SLC3A1: variants seen among roughly 807,000 people sequenced by gnomAD.
SLC3A1 encodes amino acid transporter heavy chain SLC3A1.
SLC3A1 carries 78 observed loss-of-function variants against 60.3 expected under a neutral mutation model. That is an observed-to-expected ratio of 1.29 (90% confidence interval 1.08 to 1.56). SLC3A1 has a LOEUF of 1.56. Ranked by LOEUF, SLC3A1 falls within the 40% of genes most tolerant of loss-of-function variation. The pLI is 0.00. For missense variants in SLC3A1, 1,172 were observed against 858.9 expected (o/e 1.36, Z -4.56); for synonymous variants, 392 against 307.9 (o/e 1.27, Z -2.86).
rs774667759 is a variant in SLC3A1 at position 44,286,082 on chromosome 2, A to G, written c.816A>G (p.Gln272=). ...GGCACTTTGACGAAGTGCGAAACCA[A>G]TGTTATTTTCATCAGTTTATGAAAG... ...SSWHFDEVRN[Q]CYFHQFMKEQ... is the part of the protein sequence containing the mutation. The change falls in exon 4 of 10, where the codon CAA becomes CAG. Residue 272 remains glutamine (Q), a synonymous_variant. Transcript: ENST00000260649. The G allele has an allele frequency of 1.2e-6, 2 of 1,614,050 alleles. No individual in the cohort carries two copies. Among genetic ancestry groups the G allele is most frequent in the African/African-American group, 2.7e-5 (2 of 75,034 alleles).
intron 1 of SLC3A1, among the ~76,000 whole-genome samples, chr2:44,278,730 T>C (rs559819105): frequency 6.6e-6 from 1 of 152,196 alleles, no homozygotes; most frequent in South Asian, 2.1e-4. Flanking sequence ...TACAAAGTTC[T>C]AAATACAAAG....
At chr2:44,302,376 C>G (rs1255135312) in intron 6 of SLC3A1, among the ~76,000 whole-genome samples, 2 of 152,192 alleles carry the variant, frequency 1.3e-5, no homozygotes, top group Non-Finnish European at 2.9e-5. Context: ...AATTACCCAT[C>G]ATTAAGTTTA....
intron 4 of SLC3A1, among the ~76,000 whole-genome samples, chr2:44,287,161 G>A (rs1049542463): frequency 2.6e-5 from 4 of 152,130 alleles, no homozygotes; most frequent in African/African-American, 7.2e-5. Context: ...CCAATATACT[G>A]AGGGGAAAGC....
At chr2:44,298,627 C>T (rs1671917427) in intron 4 of SLC3A1, among the ~76,000 whole-genome samples, 1 of 152,218 alleles carries the variant, frequency 6.6e-6, no homozygotes, top group Non-Finnish European at 1.5e-5. Context: ...ATCCACTTGC[C>T]TCGGCCTCCC....
At chr2:44,299,837 C>T (rs1363568368) in intron 4 of SLC3A1, 134 bp from the exon 5 acceptor site, 1 of 918,600 alleles carries the variant, frequency 1.1e-6, no homozygotes, top group South Asian at 1.4e-5. Context: ...TAAAAATAGA[C>T]TGTGAATACT....
intron 2 of SLC3A1, 93 bp from the exon 3 acceptor site, chr2:44,281,294 G>C (rs1031311830): frequency 9.1e-7 from 1 of 1,102,086 alleles, no homozygotes; most frequent in Non-Finnish European, 1.4e-6. Context: ...AGTGTATTGG[G>C]GTTACAGGCG....
chr2:44,297,199 C>A (rs1264583925), intron 4 of SLC3A1, among the ~76,000 whole-genome samples: 2 of 152,124 alleles, frequency 1.3e-5, no homozygotes, highest in Non-Finnish European at 2.9e-5. Flanking sequence ...TCCTGTGAAA[C>A]CTTCCATACA....
chr2:44,317,832 A>G (rs1290870486), intron 9 of SLC3A1: 2 of 170,570 alleles, frequency 1.2e-5, no homozygotes, highest in Non-Finnish European at 2.5e-5. Context: ...TGTCTAAATA[A>G]TACAATAATT....
At chr2:44,280,313 A>G (rs1671466382) in intron 1 of SLC3A1, among the ~76,000 whole-genome samples, 1 of 151,874 alleles carries the variant, frequency 6.6e-6, no homozygotes. Flanking sequence ...ATCTTGAGTC[A>G]TTGTAGCCTC....
chr2:44,310,230 C>T (rs959048908), intron 7 of SLC3A1, among the ~76,000 whole-genome samples: 1 of 152,144 alleles, frequency 6.6e-6, no homozygotes, highest in South Asian at 2.1e-4. Context: ...TGAGGAACTA[C>T]CAAACTGTTT....
chr2:44,276,790 G>T (rs969683031), intron 1 of SLC3A1, among the ~76,000 whole-genome samples: 3 of 152,088 alleles, frequency 2.0e-5, no homozygotes, highest in Admixed American at 1.3e-4. Flanking sequence ...ACAATATATT[G>T]CTCAAACCAG....
intron 7 of SLC3A1, among the ~76,000 whole-genome samples, chr2:44,311,778 C>T (rs1456096169): frequency 6.6e-6 from 1 of 150,770 alleles, no homozygotes; most frequent in African/African-American, 2.4e-5. Flanking sequence ...TAAGTCTTGT[C>T]CTAAGACTCA....
intron 8 of SLC3A1, 144 bp downstream of exon 8, chr2:44,312,897 T>C: frequency 1.4e-6 from 1 of 694,580 alleles, no homozygotes; most frequent in East Asian, 2.8e-5. Flanking sequence ...TTACTGTTAG[T>C]AAGAATTCTC....
intron 7 of SLC3A1, among the ~76,000 whole-genome samples, chr2:44,306,551 T>A (rs1259361767): frequency 1.3e-4 from 2 of 15,576 alleles, no homozygotes; most frequent in Non-Finnish European, 3.3e-4. Context: ...ACCATAAAAC[T>A]TTTTTTTTTT....
At position 44,320,982 on chromosome 2, in the gene SLC3A1, C is replaced by T; in HGVS notation, c.*343C>T. 1 of 398,958 alleles carries T rather than the reference C, an allele frequency of 2.5e-6. No homozygotes were observed. Among genetic ancestry groups the T allele is most frequent in the Non-Finnish European group, 4.6e-6 (1 of 216,846 alleles). The allele number at this position is 398,958 out of a possible 1,614,324, so 24.7% of individuals were successfully genotyped here. A position where few individuals can be genotyped will look rare whatever the true frequency, so the allele number is the denominator to read the frequency against. ...TGCAGTCATAGAAATTAGAGGATGA[C>T]TCACTGCCACAGTGTCTAAAAGCAT... On this transcript the variant is annotated 3_prime_UTR_variant, in exon 10 of 10. Transcript: ENST00000260649.
At position 44,281,461 on chromosome 2, in the gene SLC3A1, C is replaced by T. The variant is rs758636942; in HGVS notation, c.685C>T (p.Arg229Trp). 4.8e-5 allele frequency: 77 copies of T among 1,613,334 alleles called. No homozygotes were observed. The East Asian group carries it at 9.4e-4, about 20-fold the overall frequency. Residue 229 changes from arginine to tryptophan, a missense_variant, in exon 3 of 10, where the codon CGG becomes TGG. Transcript: ENST00000260649. ...KHIWFQLSRT[R>W]TGKYTDYYIW... ...TATTTGGTTTCAATTGAGTCGGACA[C>T]GGACAGGAAAATATACTGATTATTA...
At chr2:44,284,323 C>G (rs1294162880) in intron 3 of SLC3A1, among the ~76,000 whole-genome samples, 1 of 152,066 alleles carries the variant, frequency 6.6e-6, no homozygotes, top group African/African-American at 2.4e-5. Flanking sequence ...TGTGATCTGC[C>G]CACGTCGGCT....
At chr2:44,311,275 CTG>C (rs1477672744) in intron 7 of SLC3A1, among the ~76,000 whole-genome samples, 10 of 152,146 alleles carry the variant, frequency 6.6e-5, no homozygotes, top group Admixed American at 3.3e-4. Flanking sequence ...TATTTGATAA[CTG>C]TTCATATACT....
chr2:44,300,161 C>A, intron 5 of SLC3A1, 71 bp downstream of exon 5: 1 of 1,448,676 alleles, frequency 6.9e-7, no homozygotes, highest in Non-Finnish European at 9.7e-7. Flanking sequence ...TCTTTCTCAG[C>A]CTGAGATACC....
Sources: allele counts gnomAD v4.1 joint callset (sites outside exome capture counted in the v4.1 genomes callset), GRCh38; gene constraint gnomAD v4.1.1; transcripts MANE v1.5; gene names NCBI Gene and HGNC (gene_info 2026-07-23, HGNC 2026-07-21).